TBC1D22A: variants seen among roughly 807,000 people sequenced by gnomAD.
TBC1D22A encodes putative GTPase activator.
Under a neutral mutation model 60.2 loss-of-function variants are expected in TBC1D22A, and 38 were observed. The ratio of observed to expected loss-of-function variants is 0.63; its 90% CI spans 0.49 to 0.83. The LOEUF is 0.83. Ranked by LOEUF, TBC1D22A falls within the 40% of genes least tolerant of loss-of-function variation. The pLI is 0.00. For synonymous variants in TBC1D22A, 302 were observed against 281.7 expected (o/e 1.07, Z -0.72); for missense variants, 628 against 701.0 (o/e 0.90, Z 1.18).
intron 3 of TBC1D22A, among the ~76,000 whole-genome samples, chr22:46,794,262 C>T (rs62233785): frequency 0.057 from 8,712 of 152,268 alleles, 327 homozygotes; most frequent in South Asian, 0.17. Flanking sequence ...CAGGCCTCTG[C>T]ATGTTTAGGG....
intron 12 of TBC1D22A, among the ~76,000 whole-genome samples, chr22:47,133,934 CT>C (rs1390835140): frequency 1.3e-5 from 2 of 152,092 alleles, no homozygotes; most frequent in Non-Finnish European, 2.9e-5. Context: ...ATTCTCTTGA[CT>C]GGGTGAAGGT....
chr22:47,030,900 T>C (rs2148373259), intron 10 of TBC1D22A, among the ~76,000 whole-genome samples: 1 of 152,386 alleles, frequency 6.6e-6, no homozygotes, highest in South Asian at 2.1e-4. Context: ...CCGCTGGGGA[T>C]GCACGTCCCG....
At chr22:46,852,969 C>T (rs562439199) in intron 4 of TBC1D22A, among the ~76,000 whole-genome samples, 4 of 152,180 alleles carry the variant, frequency 2.6e-5, no homozygotes, top group Non-Finnish European at 5.9e-5. Flanking sequence ...TGGGACTGGA[C>T]GACAGTCCAT....
rs369332168 is a variant in TBC1D22A, at chr22:46,902,141, T to C, written c.900+7295T>C. Among the ~76,000 whole-genome samples the C allele has an allele frequency of 4.6e-5, 7 of 152,324 alleles. No individual in the cohort carries two copies. The East Asian group carries it at 9.6e-4, about 21-fold the overall frequency. On this transcript the variant is annotated intron_variant, in intron 7 of 12. Coordinates refer to ENST00000337137, the MANE Select transcript of TBC1D22A (RefSeq NM_014346.5). ...GGACCTCAAGCCCCTCCTGGGAGCC[T>C]TCTGTGGGAGAGTGCTGTTGAGGTT...
At chr22:46,958,091 G>A (rs759938240) in intron 8 of TBC1D22A, among the ~76,000 whole-genome samples, 61 of 152,162 alleles carry the variant, frequency 4.0e-4, no homozygotes, top group East Asian at 1.2e-3. Flanking sequence ...TCTGCAGGTC[G>A]GGGAGCAGTT....
At chr22:46,802,196 T>C (rs2084927362) in intron 4 of TBC1D22A, among the ~76,000 whole-genome samples, 1 of 152,224 alleles carries the variant, frequency 6.6e-6, no homozygotes, top group African/African-American at 2.4e-5. Flanking sequence ...CCTGCTGTGG[T>C]TGTAGGCACT....
At chr22:46,781,570 C>T (rs912376902) in intron 1 of TBC1D22A, among the ~76,000 whole-genome samples, 1 of 152,182 alleles carries the variant, frequency 6.6e-6, no homozygotes, top group Admixed American at 6.5e-5. Context: ...TTGCATCTCC[C>T]TGTGCCTATG....
At chr22:46,946,859 A>G (rs1257316296) in intron 8 of TBC1D22A, among the ~76,000 whole-genome samples, 1 of 152,172 alleles carries the variant, frequency 6.6e-6, no homozygotes, top group Non-Finnish European at 1.5e-5. Context: ...TTGCAACCTG[A>G]TAACACCTCC....
chr22:46,994,287 C>G (rs906016181), intron 9 of TBC1D22A, among the ~76,000 whole-genome samples: 1 of 152,218 alleles, frequency 6.6e-6, no homozygotes, highest in African/African-American at 2.4e-5. Context: ...GAATGGCTGA[C>G]TGATCCCAGG....
intron 7 of TBC1D22A, among the ~76,000 whole-genome samples, chr22:46,896,554 G>A (rs1006616867): frequency 1.3e-5 from 2 of 152,148 alleles, no homozygotes; most frequent in African/African-American, 4.8e-5. Context: ...TTCCTCCTGG[G>A]ACAGTGGCAG....
intron 7 of TBC1D22A, among the ~76,000 whole-genome samples, chr22:46,908,968 C>T (rs902842782): frequency 3.9e-5 from 6 of 152,114 alleles, no homozygotes; most frequent in East Asian, 3.9e-4. Flanking sequence ...GGAACCGAGT[C>T]GAGGCCCCGG....
In TBC1D22A at chr22:47,038,524, C is replaced by T. The variant is rs142807513; in HGVS notation, c.1329+1326C>T. Among the ~76,000 whole-genome samples the T allele has an allele frequency of 2.0e-3, 299 of 152,302 alleles. 1 individual carries two copies. The highest frequency in any genetic ancestry group is 6.7e-3 in the African/African-American group (279 of 41,548). On this transcript the variant is annotated intron_variant, in intron 11 of 12. Transcript: ENST00000337137. The stretch of plus-strand genomic sequence containing the variant: ...CTCCCACAGGGCCTCAGGCTGCGTG[C>T]GTTCTTCCCACAGGACAGGGTGCCT...
Position 46,876,646 on chromosome 22 carries a change from T to C in TBC1D22A, c.638-2007T>C, listed in dbSNP as rs372303961. 1.5e-4 allele frequency among the ~76,000 whole-genome samples: 23 copies of C among 152,184 alleles called. No homozygotes were observed. The East Asian group carries it at 3.1e-3, about 20-fold the overall frequency. On this transcript the variant is annotated intron_variant, in intron 4 of 12. Transcript: ENST00000337137. ...CTCCAGGAACTTCCCAAGAGCCGGG[T>C]GGAGTGTTCTCAGAAGCCCTCAGCT...
At chr22:46,808,745 C>T (rs1466180371) in intron 4 of TBC1D22A, among the ~76,000 whole-genome samples, 1 of 152,192 alleles carries the variant, frequency 6.6e-6, no homozygotes, top group African/African-American at 2.4e-5. Flanking sequence ...CAGGCACCTG[C>T]CACCATGCCT....
intron 8 of TBC1D22A, among the ~76,000 whole-genome samples, chr22:46,941,176 G>A (rs1330725679): frequency 9.1e-6 from 1 of 110,316 alleles, no homozygotes; most frequent in Non-Finnish European, 1.7e-5. Flanking sequence ...TGGGGACTGG[G>A]ACACTAGAAT....
intron 12 of TBC1D22A, 138 bp downstream of exon 12, chr22:47,111,741 G>A (rs1213795233): frequency 1.3e-6 from 1 of 752,000 alleles, no homozygotes; most frequent in South Asian, 1.8e-5. Context: ...CCTCCTGCTG[G>A]TTGAAAGCTC....
intron 4 of TBC1D22A, among the ~76,000 whole-genome samples, chr22:46,823,490 T>A (rs1177587693): frequency 6.6e-6 from 1 of 152,072 alleles, no homozygotes; most frequent in African/African-American, 2.4e-5. Context: ...CCCAGGGCCC[T>A]GGGTGAGTTC....
intron 12 of TBC1D22A, among the ~76,000 whole-genome samples, chr22:47,122,627 A>G (rs1020615961): frequency 6.6e-6 from 1 of 152,196 alleles, no homozygotes; most frequent in Non-Finnish European, 1.5e-5. Context: ...GACTTCAGGG[A>G]TCTTTGATAA....
At position 46,802,868 on chromosome 22, in the gene TBC1D22A, G is replaced by A. The variant is rs1344342344; in HGVS notation, c.637+5248G>A. 4.6e-5 allele frequency among the ~76,000 whole-genome samples: 7 copies of A among 151,860 alleles called. No individual in the cohort carries two copies. In the East Asian group the frequency reaches 1.2e-3, roughly 25 times the overall value. On this transcript the variant is annotated intron_variant, in intron 4 of 12. Coordinates refer to ENST00000337137, the MANE Select transcript of TBC1D22A (RefSeq NM_014346.5). ...TGGGGATGTGGGTGGGGTGGGCTGCGTGAGTCGGGGGCTGATGAAATCTGG... is the reference window on the plus strand; with the variant it reads ...TGGGGATGTGGGTGGGGTGGGCTGCATGAGTCGGGGGCTGATGAAATCTGG...
Sources: gnomAD v4.1 joint callset for allele counts (sites outside exome capture counted in the v4.1 genomes callset) on GRCh38, gnomAD v4.1.1 for gene constraint, MANE v1.5 for transcripts, NCBI Gene and HGNC (gene_info 2026-07-23, HGNC 2026-07-21) for gene names.